The following SCAI variants were observed in gnomAD, a reference collection of about 807,000 sequenced individuals.
The protein encoded by SCAI is protein SCAI.
In SCAI, 24 loss-of-function variants were observed where a neutral mutation model predicts 92.2. That is an observed-to-expected ratio of 0.26 (90% CI 0.19 to 0.37). The LOEUF is 0.37. Among genes scored for constraint, SCAI ranks in the 10% least tolerant of loss-of-function variants. The pLI is 1.00. For synonymous variants in SCAI, 261 were observed against 258.6 expected (o/e 1.01, Z -0.09); for missense variants, 450 against 736.2 (o/e 0.61, Z 4.50).
At chr9:125,004,870 C>A (rs1352447918) in intron 9 of SCAI, among the ~76,000 whole-genome samples, 2 of 142,670 alleles carry the variant, frequency 1.4e-5, no homozygotes, top group Non-Finnish European at 3.0e-5. Context: ...CTCACTGCAA[C>A]CTCCTCCTCC....
chr9:125,010,152 C>A (rs1391852188), intron 9 of SCAI, among the ~76,000 whole-genome samples: 2 of 152,238 alleles, frequency 1.3e-5, no homozygotes, highest in East Asian at 3.9e-4. Context: ...GTACCGGGTT[C>A]ATCTCACTAG....
chr9:125,138,249 CTTTTTTTT>C (rs10570060), intron 2 of SCAI, among the ~76,000 whole-genome samples: 209 of 104,210 alleles, frequency 2.0e-3, no homozygotes, highest in Non-Finnish European at 3.2e-3. Context: ...ACTATTATTT[CTTTTTTTT>C]TTTTTTTTTT....
In SCAI at chr9:124,994,974, A is replaced by T; in HGVS notation, c.1286T>A (p.Leu429Gln). The change falls in exon 14 of 18, where the codon CTG becomes CAG. Residue 429 changes from leucine (L) to glutamine (Q), a missense_variant. Physicochemically the swap from Leu to Gln is moderately radical, Grantham distance 113 (BLOSUM62 -2). Around this residue, in one of 3 missense-constraint regions of SCAI, gnomAD observed 360 missense variants for 601.8 expected, o/e 0.60. Transcript: ENST00000336505. ...ATTAGACGAATCCACAATGATGAAC[A>T]GTGGCTTCCTGGTGAAAGGATAGAG... ...GDLYPFTRKPLFIIVDSSNSV... is the reference protein window; with the variant it reads ...GDLYPFTRKPQFIIVDSSNSV... 6.2e-7 allele frequency: 1 copy of T among 1,613,072 alleles called. No individual in the cohort carries two copies. The highest frequency in any genetic ancestry group is 8.5e-7 in the Non-Finnish European group (1 of 1,179,680).
intron 14 of SCAI, among the ~76,000 whole-genome samples, chr9:124,980,656 C>T (rs1442618701): frequency 1.1e-4 from 17 of 152,178 alleles, no homozygotes; most frequent in Admixed American, 1.1e-3. Context: ...CATGTTGTCA[C>T]AACTTGTTGG....
At chr9:124,964,743 G>T (rs1831506241) in intron 17 of SCAI, among the ~76,000 whole-genome samples, 1 of 152,190 alleles carries the variant, frequency 6.6e-6, no homozygotes, top group Non-Finnish European at 1.5e-5. Flanking sequence ...TCCCTTACTG[G>T]CAAGGTACTT....
At chr9:125,050,282 T>C (rs1564393470) in intron 3 of SCAI, among the ~76,000 whole-genome samples, 1 of 151,908 alleles carries the variant, frequency 6.6e-6, no homozygotes, top group African/African-American at 2.4e-5. Flanking sequence ...GGGGTGGAGG[T>C]GGGCGCAGGG....
At chr9:125,033,257 G>C (rs1394499580) in intron 3 of SCAI, among the ~76,000 whole-genome samples, 7 of 152,040 alleles carry the variant, frequency 4.6e-5, no homozygotes, top group Admixed American at 1.3e-4. Flanking sequence ...TGGAAGGCTT[G>C]AGTAGCCAGG....
chr9:124,976,605 TG>T (rs1222281880), intron 14 of SCAI, among the ~76,000 whole-genome samples: 1 of 152,154 alleles, frequency 6.6e-6, no homozygotes, highest in Non-Finnish European at 1.5e-5. Context: ...TCATAATAAC[TG>T]CTCTCATGGA....
rs373889943 is a variant in SCAI at position 125,042,684 on chromosome 9, T to C, written c.231-12945A>G. On this transcript the variant is annotated intron_variant, in intron 3 of 17. Transcript: ENST00000336505. ...ACACACACATATACAAAAAGAAACA[T>C]ACATACAGGAAGTTACTTAGGAATT... Among the ~76,000 whole-genome samples, 27 of 133,650 alleles carry C rather than the reference T, an allele frequency of 2.0e-4. No individual in the cohort carries two copies. The East Asian group carries it at 6.5e-3, about 32-fold the overall frequency. The allele number at this position is 133,650 out of a possible 152,430, so 87.7% of individuals were successfully genotyped here.
intron 14 of SCAI, among the ~76,000 whole-genome samples, chr9:124,991,648 C>T (rs1588137204): frequency 2.0e-5 from 3 of 151,880 alleles, no homozygotes; most frequent in Non-Finnish European, 4.4e-5. Flanking sequence ...ACCAGCCTGA[C>T]CAACATGGTG....
At chr9:125,060,047 G>T (rs1181332216) in intron 2 of SCAI, among the ~76,000 whole-genome samples, 1 of 152,012 alleles carries the variant, frequency 6.6e-6, no homozygotes. Context: ...AAGTCAGTAG[G>T]GGCTTCTTCA....
intron 3 of SCAI, among the ~76,000 whole-genome samples, chr9:125,036,337 G>A (rs966158646): frequency 6.6e-5 from 10 of 152,134 alleles, no homozygotes; most frequent in African/African-American, 2.4e-4. Flanking sequence ...CTATGGGGCA[G>A]GGAAAAGAGT....
intron 17 of SCAI, chr9:124,968,821 GC>G: frequency 1.4e-6 from 1 of 689,840 alleles, no homozygotes; most frequent in South Asian, 1.6e-5. Context: ...CAGCCATAGA[GC>G]GGGGCCAATT....
At chr9:125,040,547 A>G (rs1020642291) in intron 3 of SCAI, among the ~76,000 whole-genome samples, 3 of 152,206 alleles carry the variant, frequency 2.0e-5, no homozygotes, top group Non-Finnish European at 2.9e-5. Flanking sequence ...TGTACAAAGT[A>G]GTATATAATG....
Position 124,948,370 on chromosome 9 carries a change from GAAAC to G in SCAI, c.*4433_*4436del, listed in dbSNP as rs899191321. The stretch of plus-strand genomic sequence containing the variant: ...GGTTTGAGAGCACCACTTTCTAAGA[GAAAC>G]ACACACATGCAAATGAAGAATACAT... On this transcript the variant is annotated 3_prime_UTR_variant, in exon 18 of 18. Transcript: ENST00000336505. The G allele has an allele frequency of 6.6e-6, 1 of 152,180 alleles. No individual in the cohort carries two copies. The highest frequency in any genetic ancestry group is 2.4e-5 in the African/African-American group (1 of 41,434). 9.4% of individuals were successfully genotyped at this position (152,180 alleles called of 1,614,324 possible).
intron 13 of SCAI, among the ~76,000 whole-genome samples, chr9:124,995,525 C>T (rs1364443338): frequency 2.0e-5 from 3 of 151,918 alleles, no homozygotes; most frequent in African/African-American, 7.3e-5. Flanking sequence ...TGCTCCGTGG[C>T]CCAGGCTGGA....
At chr9:124,961,250 A>G (rs1831429310) in intron 17 of SCAI, among the ~76,000 whole-genome samples, 1 of 151,906 alleles carries the variant, frequency 6.6e-6, no homozygotes, top group South Asian at 2.1e-4. Context: ...CCTAGGCAAC[A>G]TAGGAAGATC....
At position 125,022,107 on chromosome 9, in the gene SCAI, T is replaced by G. The variant is rs373302123; in HGVS notation, c.513-1338A>C. 6.6e-5 allele frequency among the ~76,000 whole-genome samples: 10 copies of G among 152,284 alleles called. No individual in the cohort carries two copies. In the South Asian group the frequency reaches 2.1e-3, roughly 32 times the overall value. On this transcript the variant is annotated intron_variant, in intron 6 of 17. Coordinates refer to ENST00000336505, the MANE Select transcript of SCAI (RefSeq NM_001144877.3). ...TTGTTACTCAAATCTTATAATTTCTTGTCTTGATATATAAATTATTAGATA... is the reference window on the plus strand; with the variant it reads ...TTGTTACTCAAATCTTATAATTTCTGGTCTTGATATATAAATTATTAGATA...
intron 14 of SCAI, 51 bp from the exon 15 acceptor site, chr9:124,976,237 GTTAC>G: frequency 7.9e-7 from 1 of 1,267,354 alleles, no homozygotes; most frequent in Non-Finnish European, 1.2e-6. Context: ...ACCAAAGATA[GTTAC>G]TTAGTAATTT....
Sources: gnomAD v4.1 joint callset for allele counts (sites outside exome capture counted in the v4.1 genomes callset) on GRCh38, gnomAD v4.1.1 for gene constraint, gnomAD v4.1.1 regional missense constraint, MANE v1.5 for transcripts, NCBI Gene and HGNC (gene_info 2026-07-23, HGNC 2026-07-21) for gene names.